Variants in PCCA observed in about 807,000 individuals in gnomAD.
PCCA encodes the protein propionyl-CoA carboxylase alpha chain, mitochondrial.
In PCCA, 74 loss-of-function variants were observed where a neutral mutation model predicts 101.3. That is an observed-to-expected ratio of 0.73 (90% confidence interval 0.61 to 0.89). The LOEUF (loss-of-function observed/expected upper bound fraction) is 0.89, where lower values mean the gene tolerates loss of function less well. Among genes scored for constraint, PCCA ranks in the 40% least tolerant of loss-of-function variants. The pLI is 0.00. For synonymous variants in PCCA, 294 were observed against 313.6 expected (o/e 0.94, Z 0.66); for missense variants, 891 against 907.0 (o/e 0.98, Z 0.23).
intron 8 of PCCA, among the ~76,000 whole-genome samples, chr13:100,244,255 TA>T (rs1184778018): frequency 3.9e-5 from 6 of 152,224 alleles, no homozygotes; most frequent in African/African-American, 1.4e-4. Context: ...GTTTTCCTAT[TA>T]TTGAAGTGAT....
chr13:100,393,388 C>T (rs1336905127), intron 19 of PCCA, among the ~76,000 whole-genome samples: 2 of 146,556 alleles, frequency 1.4e-5, no homozygotes, highest in African/African-American at 5.0e-5. Context: ...GCAGCTGCTT[C>T]TGCTGGCTTT....
chr13:100,234,636 A>T (rs1346219534), intron 7 of PCCA, among the ~76,000 whole-genome samples: 3 of 81,368 alleles, frequency 3.7e-5, no homozygotes, highest in East Asian at 8.0e-4. Context: ...TTAGGTACTG[A>T]AGAACTTTAA....
rs2080162824 is a variant in PCCA at position 100,439,161 on chromosome 13, T to C, written c.1846-10091T>C. The stretch of plus-strand genomic sequence containing the variant: ...GCAAAATTTTTTGTAAACCAGAGAG[T>C]GTTTACAGATAGAGAAAACTCTACA... On this transcript the variant is annotated intron_variant, in intron 20 of 23. Transcript: ENST00000376285. Among the ~76,000 whole-genome samples the C allele has an allele frequency of 2.0e-5, 3 of 152,090 alleles. No homozygotes were observed. In the South Asian group the frequency reaches 6.2e-4, roughly 32 times the overall value.
At chr13:100,310,719 A>G (rs1185070990) in intron 16 of PCCA, among the ~76,000 whole-genome samples, 1 of 152,194 alleles carries the variant, frequency 6.6e-6, no homozygotes, top group African/African-American at 2.4e-5. Flanking sequence ...ATATGTATAT[A>G]TAGGTTCACC....
chr13:100,438,104 TG>T (rs1293451185), intron 20 of PCCA, among the ~76,000 whole-genome samples: 2 of 152,060 alleles, frequency 1.3e-5, no homozygotes, highest in African/African-American at 2.4e-5. Context: ...TGCACCATGT[TG>T]TTTTTTTTTT....
chr13:100,246,991 C>G (rs1004983267), intron 8 of PCCA, among the ~76,000 whole-genome samples: 2 of 151,506 alleles, frequency 1.3e-5, no homozygotes, highest in African/African-American at 4.9e-5. Context: ...TCAATGCAAC[C>G]TCCGCCTCCC....
chr13:100,102,086 TTC>T (rs1186933682), intron 1 of PCCA, among the ~76,000 whole-genome samples: 1 of 152,048 alleles, frequency 6.6e-6, no homozygotes, highest in African/African-American at 2.4e-5. Context: ...TACTGGGAAG[TTC>T]TCTCTCTGTC....
intron 21 of PCCA, among the ~76,000 whole-genome samples, chr13:100,454,751 T>A (rs949421059): frequency 6.6e-6 from 1 of 152,188 alleles, no homozygotes; most frequent in Non-Finnish European, 1.5e-5. Flanking sequence ...TAAATAAGGT[T>A]CAAAAATAAG....
chr13:100,379,717 A>T (rs988728608), intron 19 of PCCA, among the ~76,000 whole-genome samples: 3 of 152,024 alleles, frequency 2.0e-5, no homozygotes, highest in African/African-American at 7.2e-5. Flanking sequence ...CTTGCAGGGG[A>T]ACTCCCCTTT....
At chr13:100,498,174 T>C (rs1052846264) in intron 21 of PCCA, among the ~76,000 whole-genome samples, 12 of 149,738 alleles carry the variant, frequency 8.0e-5, no homozygotes, top group African/African-American at 2.7e-4. Context: ...AGCCCAACAT[T>C]GGAAGTTGTC....
chr13:100,177,431 G>A (rs151115624), intron 6 of PCCA, among the ~76,000 whole-genome samples: 88 of 152,176 alleles, frequency 5.8e-4, no homozygotes, highest in African/African-American at 2.1e-3. Context: ...ATAAGACTTG[G>A]TCTATTAGAC....
chr13:100,113,580 CTTT>C (rs142922710), intron 4 of PCCA, among the ~76,000 whole-genome samples: 71 of 134,642 alleles, frequency 5.3e-4, no homozygotes, highest in Admixed American at 9.0e-4. Context: ...TTGACTCTTT[CTTT>C]TTTTTTTTTT....
intron 19 of PCCA, among the ~76,000 whole-genome samples, chr13:100,415,121 A>G (rs2078278638): frequency 6.6e-6 from 1 of 151,924 alleles, no homozygotes; most frequent in African/African-American, 2.4e-5. Flanking sequence ...CCACAAGTCG[A>G]ATCAGAAAAC....
chr13:100,206,252 A>G (rs928080026), intron 6 of PCCA, among the ~76,000 whole-genome samples: 1 of 151,910 alleles, frequency 6.6e-6, no homozygotes, highest in African/African-American at 2.4e-5. Context: ...GGACCTAGCT[A>G]TCTTATTATT....
intron 18 of PCCA, among the ~76,000 whole-genome samples, chr13:100,349,111 T>G: frequency 6.6e-6 from 1 of 151,162 alleles, no homozygotes; most frequent in South Asian, 2.1e-4. Flanking sequence ...CCCGGCTAAT[T>G]TTTGTATTTT....
intron 12 of PCCA, among the ~76,000 whole-genome samples, chr13:100,281,171 C>T (rs558923734): frequency 2.6e-5 from 4 of 152,230 alleles, no homozygotes; most frequent in Non-Finnish European, 5.9e-5. Context: ...CCATAAAGTG[C>T]TTCCTTTAAG....
At chr13:100,524,732 C>T (rs375525721) in intron 22 of PCCA, among the ~76,000 whole-genome samples, 98 of 152,082 alleles carry the variant, frequency 6.4e-4, no homozygotes, top group African/African-American at 2.3e-3. Context: ...ATTAGCTGGG[C>T]GTGGTGGTGC....
At chr13:100,246,285 C>A (rs1361939759) in intron 8 of PCCA, among the ~76,000 whole-genome samples, 2 of 149,510 alleles carry the variant, frequency 1.3e-5, no homozygotes, top group African/African-American at 4.9e-5. Flanking sequence ...ATGATTTTGA[C>A]TCATATGTTA....
At chr13:100,361,841 A>G (rs2074637896) in intron 18 of PCCA, among the ~76,000 whole-genome samples, 1 of 152,204 alleles carries the variant, frequency 6.6e-6, no homozygotes, top group Non-Finnish European at 1.5e-5. Context: ...CAACTCATAT[A>G]AAATTAAACC....
Sources: gnomAD v4.1 joint callset for allele counts (sites outside exome capture counted in the v4.1 genomes callset) on GRCh38, gnomAD v4.1.1 for gene constraint, MANE v1.5 for transcripts, NCBI Gene and HGNC (gene_info 2026-07-23, HGNC 2026-07-21) for gene names.